Variants in SLC35F3 observed in about 807,000 individuals in gnomAD.
SLC35F3 encodes putative thiamine transporter SLC35F3.
SLC35F3 carries 25 observed loss-of-function variants against 49.9 expected under a neutral mutation model. The observed-to-expected ratio is 0.50, with a 90% CI of 0.37 to 0.70. The LOEUF (loss-of-function observed/expected upper bound fraction) is 0.70. Ranked by LOEUF, SLC35F3 falls within the 30% of genes least tolerant of loss-of-function variation. The pLI, the probability that SLC35F3 is intolerant of heterozygous loss-of-function variation, is 0.00. For synonymous variants in SLC35F3, 275 were observed against 265.4 expected (o/e 1.04, Z -0.35); for missense variants, 525 against 639.8 (o/e 0.82, Z 1.94).
chr1:233,916,179 A>G (rs1459932290), intron 2 of SLC35F3, among the ~76,000 whole-genome samples: 1 of 152,230 alleles, frequency 6.6e-6, no homozygotes. Flanking sequence ...CAGAACAACT[A>G]ATTTCAAAGG....
At chr1:234,090,654 C>T (rs997048658) in intron 2 of SLC35F3, among the ~76,000 whole-genome samples, 1 of 152,160 alleles carries the variant, frequency 6.6e-6, no homozygotes, top group African/African-American at 2.4e-5. Context: ...AAAATAGCAG[C>T]GTTAGCATGA....
rs976335583 is a variant in SLC35F3, at chr1:233,946,452, C to T, written c.283+40694C>T. 5.3e-5 allele frequency among the ~76,000 whole-genome samples: 8 copies of T among 152,348 alleles called. No homozygotes were observed. In the East Asian group the frequency reaches 9.6e-4, roughly 18 times the overall value. On this transcript the variant is annotated intron_variant, in intron 2 of 7. Coordinates refer to ENST00000366618, the MANE Select transcript of SLC35F3 (RefSeq NM_173508.4). ...ATCGAATGAATATAATCCAAGCTCT[C>T]TGTCTTGGAACCAGATATACTTGTG...
At chr1:234,054,841 G>A (rs1194014025) in intron 2 of SLC35F3, among the ~76,000 whole-genome samples, 1 of 152,146 alleles carries the variant, frequency 6.6e-6, no homozygotes, top group African/African-American at 2.4e-5. Context: ...TGTCCTTTCT[G>A]TTTGTTAGTT....
At chr1:234,118,677 T>C (rs1665529111) in intron 2 of SLC35F3, among the ~76,000 whole-genome samples, 2 of 152,140 alleles carry the variant, frequency 1.3e-5, no homozygotes, top group Non-Finnish European at 2.9e-5. Context: ...TGGTGTCAGG[T>C]AAGCAGCAGC....
chr1:234,031,884 G>A (rs1664068028), intron 2 of SLC35F3, among the ~76,000 whole-genome samples: 1 of 152,114 alleles, frequency 6.6e-6, no homozygotes. Flanking sequence ...GACACAGCCT[G>A]GAACCATTTC....
chr1:233,973,397 C>G (rs560238483), intron 2 of SLC35F3, among the ~76,000 whole-genome samples: 2 of 152,268 alleles, frequency 1.3e-5, no homozygotes, highest in South Asian at 4.2e-4. Context: ...CCAGTAATCC[C>G]GCAATCTTGA....
Position 234,066,888 on chromosome 1 carries a change from ATC to A in SLC35F3, c.283+161134_283+161135del, listed in dbSNP as rs564924984. On this transcript the variant is annotated intron_variant, in intron 2 of 7. Transcript: ENST00000366618. ...CACACACACACACAATTATATTAAAATCTCTGTTATTGCAAGCTGTTTTTGTA... is the reference window on the plus strand; with the variant it reads ...CACACACACACACAATTATATTAAAATCTGTTATTGCAAGCTGTTTTTGTA... Among the ~76,000 whole-genome samples, 4 of 149,194 alleles carry A rather than the reference ATC, an allele frequency of 2.7e-5. No homozygotes were observed. In the South Asian group the frequency reaches 8.7e-4, roughly 32 times the overall value.
At chr1:233,936,579 TTCC>T (rs1439354711) in intron 2 of SLC35F3, among the ~76,000 whole-genome samples, 6 of 151,554 alleles carry the variant, frequency 4.0e-5, no homozygotes, top group African/African-American at 7.3e-5. Context: ...CTCCTTCCTC[TTCC>T]TCCTCCTCTT....
chr1:234,083,035 A>G (rs1664904409), intron 2 of SLC35F3, among the ~76,000 whole-genome samples: 1 of 152,182 alleles, frequency 6.6e-6, no homozygotes, highest in Non-Finnish European at 1.5e-5. Flanking sequence ...TTTTTGCTCA[A>G]TTACCTGTTA....
At chr1:233,914,634 A>G (rs190650436) in intron 2 of SLC35F3, among the ~76,000 whole-genome samples, 1 of 152,342 alleles carries the variant, frequency 6.6e-6, no homozygotes, top group African/African-American at 2.4e-5. Flanking sequence ...CTTTCTGACT[A>G]CTAAGATCAT....
chr1:234,306,373 C>T (rs1657180114), intron 3 of SLC35F3: 1 of 152,346 alleles, frequency 6.6e-6, no homozygotes, highest in Admixed American at 6.5e-5. Context: ...GTTGGCCAGG[C>T]TTGTCTCAAA....
intron 2 of SLC35F3, among the ~76,000 whole-genome samples, chr1:233,939,710 C>G (rs1030814506): frequency 2.0e-5 from 3 of 152,128 alleles, no homozygotes; most frequent in South Asian, 2.1e-4. Flanking sequence ...GATCCCTGCT[C>G]CTGGCACTTA....
intron 3 of SLC35F3, among the ~76,000 whole-genome samples, chr1:234,297,758 A>AT (rs1450279450): frequency 2.0e-5 from 3 of 151,286 alleles, no homozygotes; most frequent in African/African-American, 2.4e-5. Flanking sequence ...AAAAAAAAAA[A>AT]AACAGTTAAA....
chr1:234,316,709 G>A lies in SLC35F3; in HGVS notation c.936G>A (p.Ser312=), dbSNP rs146141997. ...TCGCACTGGTGGTGGCCTCAGCATC[G>A]ATGTCTGCCCTCTACAAGGTACGCC... ...IGIALVVASA[S]MSALYKVLFK... is the part of the protein sequence containing the mutation. The change falls in exon 5 of 8, where the codon TCG becomes TCA. Residue 312 remains serine, a synonymous_variant. Transcript: ENST00000366618. 7 of 1,611,062 alleles carry A rather than the reference G, an allele frequency of 4.3e-6. No individual in the cohort carries two copies. The highest frequency in any genetic ancestry group is 4.5e-5 in the East Asian group (2 of 44,758).
At chr1:234,129,664 CA>C (rs1323253010) in intron 2 of SLC35F3, among the ~76,000 whole-genome samples, 1 of 152,076 alleles carries the variant, frequency 6.6e-6, no homozygotes, top group African/African-American at 2.4e-5. Context: ...TACCAGATTC[CA>C]AAAATTATAA....
intron 2 of SLC35F3, among the ~76,000 whole-genome samples, chr1:234,160,567 C>G (rs1265126361): frequency 2.0e-5 from 3 of 152,148 alleles, no homozygotes; most frequent in Non-Finnish European, 2.9e-5. Flanking sequence ...AGACACTATT[C>G]CTATTACGCC....
intron 2 of SLC35F3, among the ~76,000 whole-genome samples, chr1:233,986,445 T>C (rs1663267392): frequency 6.6e-6 from 1 of 152,196 alleles, no homozygotes; most frequent in African/African-American, 2.4e-5. Context: ...TAAAGATTTA[T>C]CTCTCATGAT....
At chr1:234,281,085 C>CCG (rs139464337) in intron 3 of SLC35F3, among the ~76,000 whole-genome samples, 9,245 of 152,120 alleles carry the variant, frequency 0.061, 346 homozygotes, top group African/African-American at 0.1. Context: ...ATTGTGTCCC[C>CCG]CCCCCATGCT....
intron 2 of SLC35F3, among the ~76,000 whole-genome samples, chr1:234,164,871 T>C (rs2102915446): frequency 6.6e-6 from 1 of 152,164 alleles, no homozygotes; most frequent in South Asian, 2.1e-4. Flanking sequence ...GAGACATTAT[T>C]TCCTGTGTTT....
Sources: gnomAD v4.1 joint callset for allele counts (sites outside exome capture counted in the v4.1 genomes callset) on GRCh38, gnomAD v4.1.1 for gene constraint, MANE v1.5 for transcripts, NCBI Gene and HGNC (gene_info 2026-07-23, HGNC 2026-07-21) for gene names.